The following KIAA0825 variants were observed in gnomAD, a reference collection of about 807,000 sequenced individuals.
KIAA0825 encodes KIAA0825, also known as uncharacterized protein KIAA0825.
A neutral mutation model predicts 147.6 loss-of-function variants in KIAA0825; 119 were observed. That is an observed-to-expected ratio of 0.81 (90% confidence interval 0.69 to 0.94). The LOEUF (loss-of-function observed/expected upper bound fraction) is 0.94. KIAA0825 is among the 40% of genes least tolerant of loss of function. The pLI, the probability that KIAA0825 is intolerant of heterozygous loss-of-function variation, is 0.00. For missense variants in KIAA0825, 1,381 were observed against 1,472.7 expected (o/e 0.94, Z 1.02); for synonymous variants, 470 against 518.1 (o/e 0.91, Z 1.26).
intron 1 of KIAA0825, among the ~76,000 whole-genome samples, chr5:94,607,213 A>G (rs116411360): frequency 0.012 from 1,829 of 152,244 alleles, 34 homozygotes; most frequent in African/African-American, 0.042. Context: ...TTCTGAAGGA[A>G]TCCTGATACT....
intron 20 of KIAA0825, among the ~76,000 whole-genome samples, chr5:94,306,062 C>G (rs902981595): frequency 2.0e-5 from 3 of 151,670 alleles, no homozygotes; most frequent in Non-Finnish European, 4.4e-5. Context: ...TTAAAAATTC[C>G]TAAAGTTTGG....
intron 8 of KIAA0825, among the ~76,000 whole-genome samples, chr5:94,472,762 CAAAA>C (rs940176330): frequency 6.6e-6 from 1 of 151,858 alleles, no homozygotes; most frequent in African/African-American, 2.4e-5. Context: ...CAAAACAAAA[CAAAA>C]AAAGAATATC....
At chr5:94,553,312 C>T (rs771582515) in intron 2 of KIAA0825, among the ~76,000 whole-genome samples, 8 of 151,458 alleles carry the variant, frequency 5.3e-5, no homozygotes, top group Admixed American at 1.3e-4. Flanking sequence ...TGGTGGTTGG[C>T]GCTTGTAATC....
At chr5:94,347,675 C>T (rs1783169379) in intron 20 of KIAA0825, among the ~76,000 whole-genome samples, 1 of 152,196 alleles carries the variant, frequency 6.6e-6, no homozygotes, top group Admixed American at 6.5e-5. Flanking sequence ...TAGACCTTCC[C>T]TCTAAAAGAG....
At chr5:94,562,932 T>G (rs1777808672) in intron 2 of KIAA0825, among the ~76,000 whole-genome samples, 1 of 152,178 alleles carries the variant, frequency 6.6e-6, no homozygotes, top group Non-Finnish European at 1.5e-5. Context: ...CTAGAACACA[T>G]TCTTGACGTA....
chr5:94,568,427 G>A (rs1779167223), intron 2 of KIAA0825: 1 of 153,646 alleles, frequency 6.5e-6, no homozygotes, highest in Admixed American at 6.5e-5. Context: ...CACCCTAACA[G>A]GCCAACCTCG....
chr5:94,593,717 A>G (rs111800778), intron 1 of KIAA0825: 12 of 377,548 alleles, frequency 3.2e-5, no homozygotes, highest in African/African-American at 1.9e-4. Flanking sequence ...AAACATTTGG[A>G]TAACTATAAA....
intron 6 of KIAA0825, 108 bp downstream of exon 6, chr5:94,484,661 A>G: frequency 2.9e-6 from 2 of 692,358 alleles, no homozygotes; most frequent in Non-Finnish European, 4.5e-6. Flanking sequence ...TATTTAAAGA[A>G]TTCTTTCATG....
At chr5:94,453,711 T>G (rs1473679718) in intron 12 of KIAA0825, among the ~76,000 whole-genome samples, 2 of 152,094 alleles carry the variant, frequency 1.3e-5, no homozygotes, top group Admixed American at 6.6e-5. Context: ...TTTTTAAAAA[T>G]CTCATGTTAT....
chr5:94,551,789 A>G (rs1438092013), intron 2 of KIAA0825, among the ~76,000 whole-genome samples: 4 of 152,130 alleles, frequency 2.6e-5, no homozygotes, highest in African/African-American at 9.7e-5. Context: ...CTGGTAGAAA[A>G]GGAGAAAGAA....
intron 20 of KIAA0825, among the ~76,000 whole-genome samples, chr5:94,178,004 T>G (rs1769263634): frequency 6.6e-6 from 1 of 152,090 alleles, no homozygotes; most frequent in East Asian, 1.9e-4. Flanking sequence ...GTCTTCCATA[T>G]TTCAATAAGA....
intron 20 of KIAA0825, among the ~76,000 whole-genome samples, chr5:94,306,415 TG>T (rs1357613555): frequency 1.4e-4 from 22 of 151,856 alleles, no homozygotes; most frequent in African/African-American, 5.1e-4. Flanking sequence ...TTTAGTATAA[TG>T]AACTCCCTGA....
chr5:94,424,961 A>G (rs933944611), intron 14 of KIAA0825, among the ~76,000 whole-genome samples: 3 of 152,238 alleles, frequency 2.0e-5, no homozygotes, highest in Non-Finnish European at 4.4e-5. Flanking sequence ...AAACCTGAAC[A>G]GACCAATAAC....
intron 20 of KIAA0825, among the ~76,000 whole-genome samples, chr5:94,234,281 G>A (rs1382411621): frequency 6.6e-6 from 1 of 151,830 alleles, no homozygotes; most frequent in East Asian, 1.9e-4. Context: ...TGAGGCAGGA[G>A]AATGGCGTGA....
chr5:94,415,905 T>C (rs529443528), intron 15 of KIAA0825: 2 of 152,310 alleles, frequency 1.3e-5, no homozygotes, highest in South Asian at 4.1e-4. Flanking sequence ...AGTTGAAAGA[T>C]AAATAGTGAT....
chr5:94,225,970 A>G (rs1203328653), intron 20 of KIAA0825, among the ~76,000 whole-genome samples: 2 of 152,240 alleles, frequency 1.3e-5, no homozygotes, highest in African/African-American at 2.4e-5. Flanking sequence ...CTTCATGACT[A>G]AAACACCAAA....
At chr5:94,576,431 TA>T (rs1285550805) in intron 2 of KIAA0825, among the ~76,000 whole-genome samples, 2 of 152,040 alleles carry the variant, frequency 1.3e-5, no homozygotes, top group African/African-American at 4.8e-5. Context: ...AATGAGTTAA[TA>T]GATTAATGGG....
At chr5:94,549,301 T>A (rs1461783878) in intron 2 of KIAA0825, among the ~76,000 whole-genome samples, 1 of 152,202 alleles carries the variant, frequency 6.6e-6, no homozygotes, top group African/African-American at 2.4e-5. Flanking sequence ...ATTTTGAAAC[T>A]GTACACTCAC....
intron 20 of KIAA0825, among the ~76,000 whole-genome samples, chr5:94,359,600 AT>A (rs1744788982): frequency 6.6e-6 from 1 of 152,308 alleles, no homozygotes; most frequent in East Asian, 1.9e-4. Context: ...TCTTAAAAAA[AT>A]AAAAATAAAA....
Sources: allele counts gnomAD v4.1 joint callset (sites outside exome capture counted in the v4.1 genomes callset), GRCh38; gene constraint gnomAD v4.1.1; transcripts MANE v1.5; gene names NCBI Gene and HGNC (gene_info 2026-07-23, HGNC 2026-07-21).